Variants in BATF2 observed in about 807,000 individuals in gnomAD.
BATF2 encodes basic leucine zipper transcriptional factor ATF-like 2.
In BATF2, 4 loss-of-function variants were observed where a neutral mutation model predicts 7.3. The ratio of observed to expected loss-of-function variants is 0.55; its 90% CI spans 0.27 to 1.26. BATF2 has a LOEUF of 1.26. Ranked by LOEUF, BATF2 falls within the 50% of genes most tolerant of loss-of-function variation. BATF2 has a pLI of 0.11. For synonymous variants in BATF2, 152 were observed against 153.9 expected (o/e 0.99, Z 0.09); for missense variants, 295 against 340.5 (o/e 0.87, Z 1.05).
intron 2 of BATF2, chr11:64,990,132 A>C: frequency 1.3e-6 from 2 of 1,535,672 alleles, no homozygotes; most frequent in Non-Finnish European, 8.7e-7. Flanking sequence ...TCTCTTGCCC[A>C]CAGGAGCCAT....
rs1365727100 is a variant in BATF2 at position 64,988,995 on chromosome 11, C to T, written c.*134G>A. The stretch of plus-strand genomic sequence containing the variant: ...AGTGGGAGGCATCAGTGGTGGCTTC[C>T]TTTTCGACTGTGAAATCCTGGGCCA... On this transcript the variant is annotated 3_prime_UTR_variant, in exon 3 of 3. Coordinates refer to ENST00000301887, the MANE Select transcript of BATF2 (RefSeq NM_138456.4). The T allele has an allele frequency of 1.0e-6, 1 of 984,570 alleles. No homozygotes were observed. 61.0% of individuals were successfully genotyped at this position (984,570 alleles called of 1,614,324 possible).
At chr11:64,994,398 G>A in intron 2 of BATF2, 50 bp downstream of exon 2, 1 of 1,519,384 alleles carries the variant, frequency 6.6e-7, no homozygotes, top group Non-Finnish European at 8.9e-7. Flanking sequence ...AGGTGGCTGG[G>A]CCAGTAAGTG....
chr11:64,995,230 AT>A, intron 1 of BATF2, among the ~76,000 whole-genome samples: 1 of 152,300 alleles, frequency 6.6e-6, no homozygotes, highest in South Asian at 2.1e-4. Flanking sequence ...GTTAAAGCCC[AT>A]GCGGCAGGCA....
intron 2 of BATF2, chr11:64,990,642 G>A: frequency 1.2e-5 from 12 of 998,392 alleles, no homozygotes; most frequent in Non-Finnish European, 1.4e-5. Flanking sequence ...TGACAGTAAT[G>A]GTAAAAATGC....
rs941211722 is a variant in BATF2, at chr11:64,988,474, T to C, written c.*655A>G. 6.6e-6 allele frequency: 1 copy of C among 152,246 alleles called. No homozygotes were observed. The highest frequency in any genetic ancestry group is 2.4e-5 in the African/African-American group (1 of 41,386). The allele number at this position is 152,246 out of a possible 1,614,324, so 9.4% of individuals were successfully genotyped here. ...CCAGAAGCCTTGGTGTGGCTATGGG[T>C]ACCCAGGCTGTAGAAATCCCAGATG... On this transcript the variant is annotated 3_prime_UTR_variant, in exon 3 of 3. Coordinates refer to ENST00000301887, the MANE Select transcript of BATF2 (RefSeq NM_138456.4).
chr11:64,989,042 G>C lies in BATF2; in HGVS notation c.*87C>G. The C allele has an allele frequency of 6.8e-7, 1 of 1,470,874 alleles. No individual in the cohort carries two copies. 91.1% of individuals were successfully genotyped at this position (1,470,874 alleles called of 1,614,324 possible). On this transcript the variant is annotated 3_prime_UTR_variant, in exon 3 of 3. Coordinates refer to ENST00000301887, the MANE Select transcript of BATF2 (RefSeq NM_138456.4). The surrounding 1 kb of genome is among the most constrained non-coding windows in gnomAD (Gnocchi z 4.3). ...GCCAGCTGGTCAGCCACGCAGGGCA[G>C]CACCCAGTAGTGAGGGAGGAGAGGC...
Position 64,996,935 on chromosome 11 carries a change from G to A in BATF2, c.-21C>T. ...TGCATGGCTTAGGCGGGGGAGCAGAGTGGTCCCTCAGCAGCTGTGACTTCC... is the reference window on the plus strand; with the variant it reads ...TGCATGGCTTAGGCGGGGGAGCAGAATGGTCCCTCAGCAGCTGTGACTTCC... On this transcript the variant is annotated 5_prime_UTR_variant, in exon 1 of 3. Coordinates refer to ENST00000301887, the MANE Select transcript of BATF2 (RefSeq NM_138456.4). The A allele has an allele frequency of 6.3e-7, 1 of 1,580,210 alleles. No individual in the cohort carries two copies. The highest frequency in any genetic ancestry group is 1.7e-4 in the Middle Eastern group (1 of 5,902).
rs1031576633 is a variant in BATF2 at position 64,990,730 on chromosome 11, G to C, written c.142-918C>G. On this transcript the variant is annotated intron_variant, in intron 2 of 2. Transcript: ENST00000301887. ...CTTCAGTCCCCCACCCCCTTTTCTG[G>C]ACACTTTGAAAGAAGAAGTTGCAAA... 3.6e-5 allele frequency: 24 copies of C among 664,076 alleles called. No homozygotes were observed. The African/African-American group carries it at 4.3e-4, about 12-fold the overall frequency. 41.1% of individuals were successfully genotyped at this position (664,076 alleles called of 1,614,324 possible). A position where few individuals can be genotyped will look rare whatever the true frequency, so the allele number is the denominator to read the frequency against.
In BATF2 at chr11:64,989,916, C is replaced by T. The variant is rs995563400; in HGVS notation, c.142-104G>A. The T allele has an allele frequency of 6.8e-7, 1 of 1,460,334 alleles. No individual in the cohort carries two copies. Among genetic ancestry groups the T allele is most frequent in the Non-Finnish European group, 9.4e-7 (1 of 1,067,224 alleles). 90.5% of individuals were successfully genotyped at this position (1,460,334 alleles called of 1,614,324 possible). A position where few individuals can be genotyped will look rare whatever the true frequency, so the allele number is the denominator to read the frequency against. On this transcript the variant is annotated intron_variant, in intron 2 of 2. Transcript: ENST00000301887. The surrounding 1 kb of genome is among the most constrained non-coding windows in gnomAD (Gnocchi z 4.3). ...GTCCTCAACTTCAGGAGAAAGATGC[C>T]ACCACCATTGGAATAGCCAAGTGGG...
chr11:64,988,997 T>C lies in BATF2; in HGVS notation c.*132A>G, dbSNP rs757988732. On this transcript the variant is annotated 3_prime_UTR_variant, in exon 3 of 3. Coordinates refer to ENST00000301887, the MANE Select transcript of BATF2 (RefSeq NM_138456.4). ...TGGGAGGCATCAGTGGTGGCTTCCT[T>C]TTCGACTGTGAAATCCTGGGCCAGC... 2.2e-5 allele frequency: 22 copies of C among 1,006,852 alleles called. No homozygotes were observed. The highest frequency in any genetic ancestry group is 3.2e-5 in the Non-Finnish European group (21 of 661,326). 62.4% of individuals were successfully genotyped at this position (1,006,852 alleles called of 1,614,324 possible).
In BATF2 at chr11:64,989,639, C is replaced by A; in HGVS notation, c.315G>T (p.Gly105=). Reference sequence around the variant, plus strand: ...GTCCCTGTGGGCCAGGGCCCAGGAGCCCCTCAGCCTGGTCCCAGCAGCCCA... The same window carrying A: ...GTCCCTGTGGGCCAGGGCCCAGGAGACCCTCAGCCTGGTCCCAGCAGCCCA... ...GLLGCWDQAE[G]LLGPGPQGQH... is the part of the protein sequence containing the mutation. The change falls in exon 3 of 3, where the codon GGG becomes GGT. Residue 105 remains glycine (G), a synonymous_variant. Coordinates refer to ENST00000301887, the MANE Select transcript of BATF2 (RefSeq NM_138456.4). The surrounding 1 kb of genome is among the most constrained non-coding windows in gnomAD (Gnocchi z 4.3). 1 of 1,612,524 alleles carries A rather than the reference C, an allele frequency of 6.2e-7. No individual in the cohort carries two copies. Among genetic ancestry groups the A allele is most frequent in the Non-Finnish European group, 8.5e-7 (1 of 1,179,482 alleles).
Position 64,996,853 on chromosome 11 carries a change from GATCCCCA to G in BATF2, c.39+16_39+22del, listed in dbSNP as rs1565170152. The G allele has an allele frequency of 1.2e-6, 2 of 1,611,758 alleles. No individual in the cohort carries two copies. Among genetic ancestry groups the G allele is most frequent in the South Asian group, 2.2e-5 (2 of 90,800 alleles). On this transcript the variant is annotated intron_variant, in intron 1 of 2. Coordinates refer to ENST00000301887, the MANE Select transcript of BATF2 (RefSeq NM_138456.4). Reference sequence around the variant, plus strand: ...GATCCCAGCTCCCCTTCTCATCCCCGATCCCCAATCCCCTGTACTCACTGTCTGGGTC... The same window carrying G: ...GATCCCAGCTCCCCTTCTCATCCCCGATCCCCTGTACTCACTGTCTGGGTC...
At position 64,988,728 on chromosome 11, in the gene BATF2, A is replaced by G. The variant is rs977667189; in HGVS notation, c.*401T>C. The G allele has an allele frequency of 4.1e-6, 1 of 246,228 alleles. No individual in the cohort carries two copies. The allele number at this position is 246,228 out of a possible 1,614,324, so 15.3% of individuals were successfully genotyped here. A position where few individuals can be genotyped will look rare whatever the true frequency, so the allele number is the denominator to read the frequency against. The stretch of plus-strand genomic sequence containing the variant: ...AGCCCTTCTCTGCTCTGAGCATGCA[A>G]ACCTTCTCACACCAGCCCACGGTTT... On this transcript the variant is annotated 3_prime_UTR_variant, in exon 3 of 3. Transcript: ENST00000301887.
chr11:64,990,311 T>G, intron 2 of BATF2: 1 of 1,474,758 alleles, frequency 6.8e-7, no homozygotes. Flanking sequence ...TGAACTCTGC[T>G]TCCCGGCCAC....
intron 2 of BATF2, chr11:64,990,276 C>T: frequency 6.6e-7 from 1 of 1,517,498 alleles, no homozygotes; most frequent in East Asian, 2.5e-5. Flanking sequence ...TTCTTTCTTG[C>T]TCCCCTCCCT....
At chr11:64,992,254 T>G (rs1946082627) in intron 2 of BATF2, among the ~76,000 whole-genome samples, 1 of 151,972 alleles carries the variant, frequency 6.6e-6, no homozygotes, top group African/African-American at 2.4e-5. Flanking sequence ...TTAGTAGAGA[T>G]GGGGTTTTAC....
chr11:64,993,314 G>T (rs1487278489), intron 2 of BATF2, among the ~76,000 whole-genome samples: 1 of 152,140 alleles, frequency 6.6e-6, no homozygotes, highest in Non-Finnish European at 1.5e-5. Context: ...GAGCCAAGTG[G>T]CGCCACTGCA....
chr11:64,990,119 T>G (rs759016542), intron 2 of BATF2: 1 of 1,535,672 alleles, frequency 6.5e-7, no homozygotes, highest in South Asian at 1.2e-5. Context: ...CCAAACCACC[T>G]ATTCTCTTGC....
intron 2 of BATF2, 114 bp downstream of exon 2, chr11:64,994,334 C>A: frequency 9.8e-7 from 1 of 1,019,458 alleles, no homozygotes; most frequent in East Asian, 2.6e-5. Context: ...ACTCAGGTGA[C>A]CTAGAAAAAT....
Sources: gnomAD v4.1 joint callset for allele counts (sites outside exome capture counted in the v4.1 genomes callset) on GRCh38, gnomAD v4.1.1 for gene constraint, Gnocchi (gnomAD v3.1) non-coding constraint, MANE v1.5 for transcripts, NCBI Gene and HGNC (gene_info 2026-07-23, HGNC 2026-07-21) for gene names.